GABPB1: variants seen among roughly 807,000 people sequenced by gnomAD.
The protein encoded by GABPB1 is GA binding protein transcription factor subunit beta 1, also known as GA-binding protein subunit beta-1.
In GABPB1, 15 loss-of-function variants were observed where a neutral mutation model predicts 45.9. The observed-to-expected ratio is 0.33, with a 90% CI of 0.22 to 0.50. The LOEUF is 0.50. GABPB1 is among the 20% of genes least tolerant of loss of function. The pLI is 0.98. For missense variants in GABPB1, 252 were observed against 457.5 expected (o/e 0.55, Z 4.10); for synonymous variants, 143 against 154.4 (o/e 0.93, Z 0.55).
chr15:50,309,652 G>A, intron 2 of GABPB1, 39 bp downstream of exon 2: 1 of 1,245,096 alleles, frequency 8.0e-7, no homozygotes, highest in African/African-American at 1.5e-5. Flanking sequence ...TCAAAAATGA[G>A]AAGGAAAAAG....
At chr15:50,292,654 G>A (rs758300054) in intron 6 of GABPB1, among the ~76,000 whole-genome samples, 23 of 152,088 alleles carry the variant, frequency 1.5e-4, no homozygotes, top group Non-Finnish European at 2.6e-4. Context: ...GACATTTGGA[G>A]GACAACTTGA....
intron 1 of GABPB1, among the ~76,000 whole-genome samples, chr15:50,339,228 G>A (rs759032494): frequency 2.0e-5 from 3 of 152,326 alleles, no homozygotes; most frequent in Non-Finnish European, 4.4e-5. Context: ...TGAGGTGGGA[G>A]CACTGCTTGA....
rs1278899696 is a variant in GABPB1 at position 50,278,760 on chromosome 15, G to A, written c.1024C>T (p.Leu342=). 1.2e-6 allele frequency: 2 copies of A among 1,610,942 alleles called. No homozygotes were observed. Among genetic ancestry groups the A allele is most frequent in the South Asian group, 2.2e-5 (2 of 90,792 alleles). Residue 342 remains leucine, a synonymous_variant, in exon 9 of 9, where the codon CTG becomes TTG. Coordinates refer to ENST00000380877, the MANE Select transcript of GABPB1 (RefSeq NM_016654.5). ...TGTGCTTCTCGATTTGCTTCATCCA[G>A]CTGTTTCTGAAGAGCTTCTCTCTCC... ...IEEREALQKQ[L]DEANREAQKY... is the part of the protein sequence containing the mutation.
At chr15:50,302,904 T>C in intron 4 of GABPB1, 25 bp downstream of exon 4, 1 of 1,488,572 alleles carries the variant, frequency 6.7e-7, no homozygotes, top group Non-Finnish European at 9.3e-7. Context: ...TTCTTTATTT[T>C]CTTAAATTAA....
chr15:50,289,763 C>CTTTCT, intron 6 of GABPB1, 95 bp from the exon 7 acceptor site: 1 of 807,898 alleles, frequency 1.2e-6, no homozygotes, highest in Non-Finnish European at 1.8e-6. Context: ...TTCTATGCTT[C>CTTTCT]TTTCTTTTCT....
intron 2 of GABPB1, among the ~76,000 whole-genome samples, chr15:50,308,377 G>C (rs746587736): frequency 3.3e-5 from 5 of 152,200 alleles, no homozygotes; most frequent in Non-Finnish European, 5.9e-5. Flanking sequence ...AGGATGCCTT[G>C]TGATTCCAAA....
intron 1 of GABPB1, among the ~76,000 whole-genome samples, chr15:50,330,519 A>G (rs2047912009): frequency 6.6e-6 from 1 of 151,884 alleles, no homozygotes; most frequent in South Asian, 2.1e-4. Context: ...ATTTTAAACA[A>G]TTCTCCTTCC....
At chr15:50,344,444 G>A (rs941105044) in intron 1 of GABPB1, among the ~76,000 whole-genome samples, 4 of 152,114 alleles carry the variant, frequency 2.6e-5, no homozygotes, top group Non-Finnish European at 4.4e-5. Context: ...AATATTTTCA[G>A]GAAAATCATT....
intron 1 of GABPB1, among the ~76,000 whole-genome samples, chr15:50,313,981 G>A (rs1208894431): frequency 6.6e-6 from 1 of 151,852 alleles, no homozygotes; most frequent in Non-Finnish European, 1.5e-5. Context: ...GTATAATGTT[G>A]GGAACTTAAA....
Position 50,310,179 on chromosome 15 carries a change from G to A in GABPB1, c.1-381C>T, listed in dbSNP as rs563074416. Among the ~76,000 whole-genome samples, 285 of 152,180 alleles carry A rather than the reference G, an allele frequency of 1.9e-3. 4 individuals are homozygous for A. Among genetic ancestry groups the A allele is most frequent in the African/African-American group, 6.6e-3 (275 of 41,518 alleles). On this transcript the variant is annotated intron_variant, in intron 1 of 8. Transcript: ENST00000380877. Reference sequence around the variant, plus strand: ...ACGATGTTGGCTCACTGCAACCTCCGCCTCCTGGGTTCATGTGATTCTCCT... The same window carrying A: ...ACGATGTTGGCTCACTGCAACCTCCACCTCCTGGGTTCATGTGATTCTCCT...
chr15:50,337,956 T>C (rs1006289773), intron 1 of GABPB1, among the ~76,000 whole-genome samples: 2 of 152,102 alleles, frequency 1.3e-5, no homozygotes, highest in Non-Finnish European at 2.9e-5. Flanking sequence ...TATGGATAAA[T>C]GAGAACCTCA....
At chr15:50,314,647 G>A (rs1358138579) in intron 1 of GABPB1, 1 of 152,174 alleles carries the variant, frequency 6.6e-6, no homozygotes, top group African/African-American at 2.4e-5. Flanking sequence ...GGATACTAGA[G>A]GTCCAGCAAA....
At chr15:50,324,966 G>T (rs76518024) in intron 1 of GABPB1, among the ~76,000 whole-genome samples, 1 of 152,200 alleles carries the variant, frequency 6.6e-6, no homozygotes, top group East Asian at 1.9e-4. Context: ...ATTATGAGTA[G>T]GTTGTTTCTT....
chr15:50,347,356 A>G (rs936764551), intron 1 of GABPB1: 1 of 152,158 alleles, frequency 6.6e-6, no homozygotes, highest in Admixed American at 6.5e-5. Flanking sequence ...GGCACAAAGG[A>G]AATTTTTTAG....
At chr15:50,297,358 G>A (rs1348774589) in intron 6 of GABPB1, among the ~76,000 whole-genome samples, 15 of 151,934 alleles carry the variant, frequency 9.9e-5, no homozygotes, top group African/African-American at 3.4e-4. Flanking sequence ...GATTACAGGG[G>A]CACACCACCA....
At chr15:50,323,036 T>C (rs1321285993) in intron 1 of GABPB1, among the ~76,000 whole-genome samples, 2 of 152,066 alleles carry the variant, frequency 1.3e-5, no homozygotes, top group Non-Finnish European at 2.9e-5. Context: ...TCTCCAAAAA[T>C]AATCATAATA....
intron 1 of GABPB1, among the ~76,000 whole-genome samples, chr15:50,332,816 T>C (rs1241449790): frequency 6.6e-6 from 1 of 152,158 alleles, no homozygotes; most frequent in Non-Finnish European, 1.5e-5. Context: ...CTACCTATCC[T>C]ACTTGTTATA....
At chr15:50,329,919 T>C (rs927377918) in intron 1 of GABPB1, among the ~76,000 whole-genome samples, 71 of 151,758 alleles carry the variant, frequency 4.7e-4, no homozygotes, top group Non-Finnish European at 8.5e-4. Flanking sequence ...TTTTTTTTTT[T>C]CCCTGAAGGC....
chr15:50,319,289 T>A (rs1025569095), intron 1 of GABPB1, among the ~76,000 whole-genome samples: 3 of 152,212 alleles, frequency 2.0e-5, no homozygotes, highest in African/African-American at 7.2e-5. Flanking sequence ...AAAAAGTTTT[T>A]ATTTTTATAG....
Sources: allele counts gnomAD v4.1 joint callset (sites outside exome capture counted in the v4.1 genomes callset), GRCh38; gene constraint gnomAD v4.1.1; transcripts MANE v1.5; gene names NCBI Gene and HGNC (gene_info 2026-07-23, HGNC 2026-07-21).